The following PTPRK variants were observed in gnomAD, a reference collection of about 807,000 sequenced individuals.
The protein encoded by PTPRK is protein tyrosine phosphatase receptor type K, also known as receptor-type tyrosine-protein phosphatase kappa.
Under a neutral mutation model 178.0 loss-of-function variants are expected in PTPRK, and 75 were observed. The ratio of observed to expected loss-of-function variants is 0.42; its 90% CI spans 0.35 to 0.51. The LOEUF is 0.51. Ranked by LOEUF, PTPRK falls within the 20% of genes least tolerant of loss-of-function variation. The probability of loss-of-function intolerance (pLI) is 0.02; values close to 1 mark genes in which losing one functional copy is unlikely to be tolerated. For synonymous variants in PTPRK, 637 were observed against 620.6 expected (o/e 1.03, Z -0.39); for missense variants, 1,441 against 1,797.8 (o/e 0.80, Z 3.59).
Position 128,089,770 on chromosome 6 carries a change from T to C in PTPRK, c.1385A>G (p.Asn462Ser), listed in dbSNP as rs199513206. The change falls in exon 8 of 30, where the codon AAT (asparagine) becomes AGT (serine). Residue 462 changes from asparagine to serine, a missense_variant. This residue lies in a region of PTPRK where 945 missense variants were observed against 1,080.6 expected (regional missense o/e 0.87). Coordinates refer to ENST00000368226, the MANE Select transcript of PTPRK (RefSeq NM_002844.4). ...GGTTAGGATCATCTTGAGGCTGACATTTGTATAAGGTGGCAGATGGTTCAC... is the reference window on the plus strand; with the variant it reads ...GGTTAGGATCATCTTGAGGCTGACACTTGTATAAGGTGGCAGATGGTTCAC... ...HVVNHLPPYT[N>S]VSLKMILTNP... The C allele has an allele frequency of 3.3e-5, 53 of 1,613,426 alleles. No individual in the cohort carries two copies. In the East Asian group the frequency reaches 1.1e-3, roughly 33 times the overall value.
At chr6:128,300,808 T>C (rs1470027959) in intron 3 of PTPRK, among the ~76,000 whole-genome samples, 2 of 152,056 alleles carry the variant, frequency 1.3e-5, no homozygotes, top group East Asian at 3.9e-4. Flanking sequence ...CATGTATACA[T>C]ATGTAACTAA....
rs755356478 is a variant in PTPRK, at chr6:128,082,599, G to C, written c.1615C>G (p.Pro539Ala). The C allele has an allele frequency of 9.3e-6, 15 of 1,612,162 alleles. No homozygotes were observed. In the South Asian group the frequency reaches 1.5e-4, roughly 17 times the overall value. ...ACAGTCTGGGGAGGTCCAGCCACTG[G>C]AACTGCAGGATCAAATGATCTTATA... is the stretch of plus-strand genomic sequence containing the variant. ...SSIRSFDPAVPVAGPPQTVSN... is the reference protein window; with the variant it reads ...SSIRSFDPAVAVAGPPQTVSN... Residue 539 changes from proline to alanine, a missense_variant, in exon 10 of 30, where the codon CCA becomes GCA. Pro to Ala is a conservative substitution (Grantham distance 27). Around this residue, in one of 4 missense-constraint regions of PTPRK, gnomAD observed 945 missense variants for 1,080.6 expected, o/e 0.87. Coordinates refer to ENST00000368226, the MANE Select transcript of PTPRK (RefSeq NM_002844.4).
intron 7 of PTPRK, among the ~76,000 whole-genome samples, chr6:128,127,814 G>A (rs1793626106): frequency 6.6e-6 from 1 of 152,130 alleles, no homozygotes; most frequent in Non-Finnish European, 1.5e-5. Context: ...CTCTTTGCCT[G>A]GTAAGCATGG....
intron 11 of PTPRK, among the ~76,000 whole-genome samples, chr6:128,075,711 C>T (rs370327041): frequency 3.0e-4 from 46 of 151,910 alleles, no homozygotes; most frequent in Non-Finnish European, 5.9e-4. Context: ...AATCCATTGG[C>T]GATTTTAGCT....
chr6:128,158,820 A>T lies in PTPRK; in HGVS notation c.1162+25612T>A, dbSNP rs766507290. Among the ~76,000 whole-genome samples the T allele has an allele frequency of 2.0e-5, 3 of 152,032 alleles. No homozygotes were observed. In the East Asian group the frequency reaches 5.8e-4, roughly 30 times the overall value. ...AGTTAATAGTTATAGCTTTTTAAAA[A>T]ATCTTCATTTGAATAGGAAGCTTGT... On this transcript the variant is annotated intron_variant, in intron 7 of 29. Transcript: ENST00000368226.
intron 2 of PTPRK, among the ~76,000 whole-genome samples, chr6:128,338,844 G>A (rs1161819901): frequency 1.3e-5 from 2 of 150,098 alleles, no homozygotes; most frequent in Non-Finnish European, 3.0e-5. Flanking sequence ...CATAAGGCAA[G>A]AGATTCACCA....
Position 128,218,924 on chromosome 6 carries a change from C to T in PTPRK, c.866G>A (p.Arg289Lys). 3.7e-6 allele frequency: 6 copies of T among 1,608,180 alleles called. No homozygotes were observed. Among genetic ancestry groups the T allele is most frequent in the Non-Finnish European group, 5.1e-6 (6 of 1,176,378 alleles). The change falls in exon 6 of 30, where the codon AGA (arginine) becomes AAA (lysine). Residue 289 changes from arginine (R) to lysine (K), a missense_variant and splice_region_variant. Transcript: ENST00000368226. ...AAGTGAAAACAATTTCACCTTACCT[C>T]TCACAATAAGTTGAGCAAAATTGGA... ...GVSNFAQLIVREPPRPIAPPQ... is the reference protein window; with the variant it reads ...GVSNFAQLIVKEPPRPIAPPQ...
At chr6:128,429,988 A>G (rs942666718) in intron 1 of PTPRK, among the ~76,000 whole-genome samples, 2 of 152,220 alleles carry the variant, frequency 1.3e-5, no homozygotes, top group Non-Finnish European at 2.9e-5. Flanking sequence ...TGAAAATTTC[A>G]GTAGTTTGTA....
chr6:128,371,809 G>A (rs750319146), intron 2 of PTPRK, among the ~76,000 whole-genome samples: 3 of 151,810 alleles, frequency 2.0e-5, no homozygotes, highest in Non-Finnish European at 4.4e-5. Context: ...CTGGGAGGTC[G>A]AGGCTGCAGT....
At chr6:128,127,587 T>A (rs576841471) in intron 7 of PTPRK, among the ~76,000 whole-genome samples, 2 of 152,340 alleles carry the variant, frequency 1.3e-5, no homozygotes, top group East Asian at 3.9e-4. Context: ...TTTATGTAGC[T>A]GAACAAGCTC....
At chr6:127,997,072 A>C (rs537422776) in intron 16 of PTPRK, 84 bp from the exon 17 acceptor site, 3 of 1,381,644 alleles carry the variant, frequency 2.2e-6, no homozygotes, top group South Asian at 2.5e-5. Flanking sequence ...CCAAATAGTA[A>C]AAACCACTTT....
chr6:128,511,148 C>T (rs1427320792), intron 1 of PTPRK, among the ~76,000 whole-genome samples: 1 of 152,164 alleles, frequency 6.6e-6, no homozygotes, highest in Non-Finnish European at 1.5e-5. Flanking sequence ...TAAACACTCT[C>T]AGATTAAAAA....
intron 11 of PTPRK, among the ~76,000 whole-genome samples, chr6:128,068,498 C>G (rs1475107671): frequency 6.6e-6 from 1 of 152,114 alleles, no homozygotes; most frequent in Non-Finnish European, 1.5e-5. Flanking sequence ...CTAACCTAAA[C>G]CTTCTGATAT....
At chr6:128,348,096 G>A (rs1832657328) in intron 2 of PTPRK, among the ~76,000 whole-genome samples, 1 of 151,932 alleles carries the variant, frequency 6.6e-6, no homozygotes, top group Admixed American at 6.6e-5. Flanking sequence ...ATAAAAAGCT[G>A]TGGAGAATAA....
At chr6:128,113,325 G>A (rs1790974104) in intron 7 of PTPRK, among the ~76,000 whole-genome samples, 2 of 151,100 alleles carry the variant, frequency 1.3e-5, no homozygotes, top group Non-Finnish European at 3.0e-5. Flanking sequence ...TTGTTGCTTT[G>A]TGCACATACA....
intron 13 of PTPRK, among the ~76,000 whole-genome samples, chr6:128,037,069 A>G (rs1181298569): frequency 2.0e-5 from 3 of 151,984 alleles, no homozygotes; most frequent in Non-Finnish European, 4.4e-5. Flanking sequence ...TTGGGTGCAA[A>G]TCTGTTCACT....
intron 1 of PTPRK, among the ~76,000 whole-genome samples, chr6:128,474,772 G>A (rs1335866963): frequency 6.6e-6 from 1 of 152,082 alleles, no homozygotes; most frequent in East Asian, 1.9e-4. Context: ...GCTGCTAAAA[G>A]GAAAAGATCA....
At chr6:128,272,673 C>T (rs1820043818) in intron 3 of PTPRK, among the ~76,000 whole-genome samples, 1 of 152,158 alleles carries the variant, frequency 6.6e-6, no homozygotes, top group African/African-American at 2.4e-5. Flanking sequence ...CATCTCACAC[C>T]AGTTAGAATG....
intron 1 of PTPRK, among the ~76,000 whole-genome samples, chr6:128,414,628 T>C (rs1842647157): frequency 6.6e-6 from 1 of 152,214 alleles, no homozygotes; most frequent in South Asian, 2.1e-4. Flanking sequence ...TGTTCTTTTA[T>C]TGTTCTGTCC....
Sources: gnomAD v4.1 joint callset for allele counts (sites outside exome capture counted in the v4.1 genomes callset) on GRCh38, gnomAD v4.1.1 for gene constraint, gnomAD v4.1.1 regional missense constraint, MANE v1.5 for transcripts, NCBI Gene and HGNC (gene_info 2026-07-23, HGNC 2026-07-21) for gene names.